Variants in CTCF observed in about 807,000 individuals in gnomAD.
CTCF encodes the protein transcriptional repressor CTCF.
A neutral mutation model predicts 72.3 loss-of-function variants in CTCF; 7 were observed. The ratio of observed to expected loss-of-function variants is 0.10; its 90% CI spans 0.06 to 0.18. CTCF has a LOEUF of 0.18. CTCF is among the 10% of genes least tolerant of loss of function. CTCF has a pLI of 1.00. For missense variants in CTCF, 516 were observed against 949.1 expected (o/e 0.54, Z 6.00); for synonymous variants, 374 against 315.8 (o/e 1.18, Z -1.95).
intron 7 of CTCF, among the ~76,000 whole-genome samples, 157 bp downstream of exon 7, chr16:67,621,748 C>CTTTTTTTTTTTTTT (rs34853932): frequency 8.2e-6 from 1 of 121,358 alleles, no homozygotes. Context: ...TGCTTAGCTG[C>CTTTTTTTTTTTTTT]TTTTTTTTTT....
chr16:67,564,467 G>A (rs545986138), intron 1 of CTCF, among the ~76,000 whole-genome samples: 1 of 152,330 alleles, frequency 6.6e-6, no homozygotes, highest in Non-Finnish European at 1.5e-5. Context: ...CGCTTTCTAT[G>A]TCTCCTTTTG....
rs369684312 is a variant in CTCF, at chr16:67,620,677, C to G, written c.1087-20C>G. 35 of 1,534,964 alleles carry G rather than the reference C, an allele frequency of 2.3e-5. No homozygotes were observed. The highest frequency in any genetic ancestry group is 2.9e-5 in the Non-Finnish European group (33 of 1,124,204). On this transcript the variant is annotated intron_variant, in intron 5 of 11. Coordinates refer to ENST00000264010, the MANE Select transcript of CTCF (RefSeq NM_006565.4). ...GTCTGTGTTAACAGAAGTTAAAGTT[C>G]GGTTGTTTTCGTATTTCAGGTCAGC...
intron 2 of CTCF, among the ~76,000 whole-genome samples, chr16:67,589,322 A>G (rs562919059): frequency 6.6e-6 from 1 of 152,254 alleles, no homozygotes; most frequent in East Asian, 1.9e-4. Flanking sequence ...AAATAATTAT[A>G]ATAATATTAA....
rs536029506 is a variant in CTCF, at chr16:67,625,330, A to G, written c.1358-1225A>G. 3.9e-5 allele frequency among the ~76,000 whole-genome samples: 6 copies of G among 152,180 alleles called. No individual in the cohort carries two copies. In the South Asian group the frequency reaches 6.2e-4, roughly 16 times the overall value. The stretch of plus-strand genomic sequence containing the variant: ...CTCAGCCTCCCGAGTAGCTGGGATT[A>G]CAGGTTTACAGGCATACACCACCAC... On this transcript the variant is annotated intron_variant, in intron 7 of 11. Coordinates refer to ENST00000264010, the MANE Select transcript of CTCF (RefSeq NM_006565.4).
chr16:67,618,526 G>A (rs2052162427), intron 5 of CTCF, among the ~76,000 whole-genome samples: 1 of 152,168 alleles, frequency 6.6e-6, no homozygotes, highest in Non-Finnish European at 1.5e-5. Flanking sequence ...TAATGTTACT[G>A]TTTCAGCTTT....
At chr16:67,628,794 C>T (rs1481390763) in intron 9 of CTCF, among the ~76,000 whole-genome samples, 2 of 152,206 alleles carry the variant, frequency 1.3e-5, no homozygotes, top group South Asian at 2.1e-4. Context: ...GGCGCGGTGG[C>T]TCGCGCCTGT....
chr16:67,618,781 A>T (rs2052165231), intron 5 of CTCF, among the ~76,000 whole-genome samples: 1 of 152,242 alleles, frequency 6.6e-6, no homozygotes, highest in African/African-American at 2.4e-5. Context: ...CTGAGGGATA[A>T]ACTGAACAAC....
chr16:67,620,570 G>T, intron 5 of CTCF, 127 bp from the exon 6 acceptor site: 1 of 685,976 alleles, frequency 1.5e-6, no homozygotes, highest in Non-Finnish European at 2.3e-6. Flanking sequence ...AGGGAAGAAG[G>T]TTATCTTTTA....
intron 8 of CTCF, chr16:67,627,499 AAAG>A (rs759999543): frequency 6.6e-6 from 1 of 150,862 alleles, no homozygotes; most frequent in Non-Finnish European, 1.5e-5. Flanking sequence ...TCCAAAAGAA[AAAG>A]AAAAAATTAG....
At chr16:67,617,424 C>T (rs1266042221) in intron 5 of CTCF, among the ~76,000 whole-genome samples, 1 of 152,046 alleles carries the variant, frequency 6.6e-6, no homozygotes, top group African/African-American at 2.4e-5. Flanking sequence ...GCGTGAACCC[C>T]AGAGGCAGAG....
chr16:67,575,930 A>T (rs898974072), intron 2 of CTCF, among the ~76,000 whole-genome samples: 1 of 151,292 alleles, frequency 6.6e-6, no homozygotes, highest in African/African-American at 2.4e-5. Context: ...GGGATATAAA[A>T]CCCTAACCCA....
At chr16:67,584,025 C>G (rs2051626231) in intron 2 of CTCF, among the ~76,000 whole-genome samples, 1 of 141,346 alleles carries the variant, frequency 7.1e-6, no homozygotes, top group Admixed American at 6.9e-5. Flanking sequence ...AGCCAGAGAA[C>G]CACTCTTTGC....
chr16:67,601,257 T>A (rs867514827), intron 2 of CTCF, among the ~76,000 whole-genome samples: 1 of 116,018 alleles, frequency 8.6e-6, no homozygotes, highest in Non-Finnish European at 1.9e-5. Context: ...TGTGTGTGTT[T>A]TGTTTTGTTT....
At chr16:67,586,400 G>A (rs986421838) in intron 2 of CTCF, among the ~76,000 whole-genome samples, 27 of 152,142 alleles carry the variant, frequency 1.8e-4, no homozygotes, top group African/African-American at 6.5e-4. Context: ...AGCTGGGCAT[G>A]GTGGCAGGCG....
intron 10 of CTCF, among the ~76,000 whole-genome samples, chr16:67,631,150 GTTTGTTTTTTTTTTGTTT>G (rs2052356870): frequency 7.5e-6 from 1 of 132,534 alleles, no homozygotes. Flanking sequence ...TTTGTTCTTT[GTTTGTTTTTTTTTTGTTT>G]TTTGTTTTTT....
intron 2 of CTCF, among the ~76,000 whole-genome samples, chr16:67,600,440 A>C (rs1041968946): frequency 6.6e-6 from 1 of 151,900 alleles, no homozygotes; most frequent in Admixed American, 6.6e-5. Flanking sequence ...ATGTTGCCCA[A>C]GCTGGTCTCG....
chr16:67,606,742 A>T (rs576624630), intron 2 of CTCF, among the ~76,000 whole-genome samples: 25 of 147,210 alleles, frequency 1.7e-4, no homozygotes, highest in Admixed American at 3.4e-4. Flanking sequence ...AAACACTTCA[A>T]TGTTTTGTTT....
At chr16:67,577,594 C>T (rs1025409895) in intron 2 of CTCF, among the ~76,000 whole-genome samples, 30 of 151,604 alleles carry the variant, frequency 2.0e-4, no homozygotes, top group African/African-American at 6.5e-4. Context: ...CCTGCCACCA[C>T]GCCTGCCTAA....
intron 4 of CTCF, among the ~76,000 whole-genome samples, chr16:67,614,104 T>C (rs2052097748): frequency 6.6e-6 from 1 of 152,036 alleles, no homozygotes. Context: ...CCCATCACTT[T>C]GGGAGGCCGA....
Sources: allele counts gnomAD v4.1 joint callset (sites outside exome capture counted in the v4.1 genomes callset), GRCh38; gene constraint gnomAD v4.1.1; transcripts MANE v1.5; gene names NCBI Gene and HGNC (gene_info 2026-07-23, HGNC 2026-07-21).